The following CPEB1 variants were observed in gnomAD, a reference collection of about 807,000 sequenced individuals.
CPEB1 encodes cytoplasmic polyadenylation element binding protein 1.
Under a neutral mutation model 65.8 loss-of-function variants are expected in CPEB1, and 7 were observed. The ratio of observed to expected loss-of-function variants is 0.11; its 90% CI spans 0.06 to 0.20. The LOEUF is 0.20. CPEB1 is among the 10% of genes least tolerant of loss of function. The pLI is 1.00. For synonymous variants in CPEB1, 262 were observed against 260.0 expected (o/e 1.01, Z -0.08); for missense variants, 551 against 712.2 (o/e 0.77, Z 2.58).
At chr15:82,606,817 C>CAAAAAAAA (rs56078202) in intron 3 of CPEB1, among the ~76,000 whole-genome samples, 1 of 82,984 alleles carries the variant, frequency 1.2e-5, no homozygotes, top group African/African-American at 4.8e-5. Context: ...GACTCCGTCT[C>CAAAAAAAA]AAAAAAAAAA....
At chr15:82,550,823 G>A (rs2036108081) in intron 9 of CPEB1, among the ~76,000 whole-genome samples, 1 of 152,122 alleles carries the variant, frequency 6.6e-6, no homozygotes, top group African/African-American at 2.4e-5. Flanking sequence ...TGGTGCTGGC[G>A]GGGAGAGGAA....
chr15:82,561,478 G>A (rs1233440537), intron 4 of CPEB1, among the ~76,000 whole-genome samples: 9 of 152,136 alleles, frequency 5.9e-5, no homozygotes, highest in African/African-American at 2.2e-4. Flanking sequence ...AAAGCAGAAC[G>A]CCAGAAAAAA....
chr15:82,561,076 G>A (rs967139983), intron 4 of CPEB1, among the ~76,000 whole-genome samples: 1 of 152,244 alleles, frequency 6.6e-6, no homozygotes, highest in Non-Finnish European at 1.5e-5. Context: ...ATAGCTATAA[G>A]AGGAATGAGG....
At chr15:82,614,575 G>T (rs868616746) in intron 3 of CPEB1, among the ~76,000 whole-genome samples, 9 of 150,324 alleles carry the variant, frequency 6.0e-5, no homozygotes, top group Admixed American at 3.3e-4. Flanking sequence ...TACCAAATGT[G>T]GGGGGGAGTA....
chr15:82,600,974 C>T (rs1001872438), intron 3 of CPEB1, among the ~76,000 whole-genome samples: 8 of 147,960 alleles, frequency 5.4e-5, no homozygotes, highest in East Asian at 4.0e-4. Context: ...GCGCAACCTC[C>T]GCTCACTGCA....
At chr15:82,627,678 T>C (rs113445288) in intron 2 of CPEB1, among the ~76,000 whole-genome samples, 160 of 152,304 alleles carry the variant, frequency 1.1e-3, no homozygotes, top group African/African-American at 3.8e-3. Context: ...AGGTTTATGA[T>C]TAGGATTGCC....
At chr15:82,614,854 T>A (rs1377373519) in intron 3 of CPEB1, among the ~76,000 whole-genome samples, 1 of 94,466 alleles carries the variant, frequency 1.1e-5, no homozygotes, top group Admixed American at 1.0e-4. Flanking sequence ...TATAAGTGTG[T>A]GTGTGTGTGT....
intron 3 of CPEB1, among the ~76,000 whole-genome samples, chr15:82,594,355 G>T (rs193103949): frequency 0.023 from 2,671 of 116,178 alleles, 31 homozygotes; most frequent in Non-Finnish European, 0.033. Context: ...TAAACCTCAT[G>T]AACCAAAAAA....
At chr15:82,552,255 T>C (rs978677812) in intron 9 of CPEB1, among the ~76,000 whole-genome samples, 2 of 150,538 alleles carry the variant, frequency 1.3e-5, no homozygotes, top group Non-Finnish European at 2.9e-5. Context: ...TGGGCAGGCA[T>C]GCGCATGTGT....
At chr15:82,618,417 A>T (rs1391107959) in intron 3 of CPEB1, among the ~76,000 whole-genome samples, 1 of 152,246 alleles carries the variant, frequency 6.6e-6, no homozygotes, top group Non-Finnish European at 1.5e-5. Context: ...GAGACAGAAT[A>T]TGTATATTCT....
intron 2 of CPEB1, 59 bp from the exon 3 acceptor site, chr15:82,627,426 T>C: frequency 7.6e-7 from 1 of 1,307,422 alleles, no homozygotes. Context: ...ACCCCCTTTC[T>C]CTCCACATTA....
intron 1 of CPEB1, among the ~76,000 whole-genome samples, chr15:82,640,464 A>G (rs971369074): frequency 1.3e-5 from 2 of 152,132 alleles, no homozygotes; most frequent in African/African-American, 4.8e-5. Flanking sequence ...AGTTGCCTAA[A>G]AACAGCCCTG....
intron 1 of CPEB1, among the ~76,000 whole-genome samples, chr15:82,643,093 A>G (rs1037003114): frequency 9.2e-5 from 14 of 152,086 alleles, no homozygotes; most frequent in African/African-American, 3.1e-4. Context: ...TAGTCACCTC[A>G]CCCTTCCCCT....
intron 3 of CPEB1, among the ~76,000 whole-genome samples, chr15:82,590,108 C>T (rs894037789): frequency 1.3e-5 from 2 of 149,110 alleles, no homozygotes; most frequent in Non-Finnish European, 3.0e-5. Context: ...ACAGTATCTG[C>T]ACTTTTCACA....
chr15:82,566,923 C>T (rs1441438088), intron 4 of CPEB1, among the ~76,000 whole-genome samples: 2 of 152,024 alleles, frequency 1.3e-5, no homozygotes, highest in African/African-American at 2.4e-5. Flanking sequence ...ATCTGTCCAT[C>T]CAGCTAAATC....
intron 3 of CPEB1, among the ~76,000 whole-genome samples, chr15:82,588,021 A>T (rs554837991): frequency 7.2e-5 from 11 of 152,294 alleles, no homozygotes; most frequent in African/African-American, 2.6e-4. Flanking sequence ...TCCCAGGCTC[A>T]AGCGATCCTC....
chr15:82,548,142 C>G (rs2150927698), intron 10 of CPEB1, among the ~76,000 whole-genome samples: 1 of 152,150 alleles, frequency 6.6e-6, no homozygotes, highest in South Asian at 2.1e-4. Context: ...GGAGACCATC[C>G]TGGCTAACAT....
At chr15:82,617,975 C>T (rs143529581) in intron 3 of CPEB1, among the ~76,000 whole-genome samples, 2,682 of 151,324 alleles carry the variant, frequency 0.018, 30 homozygotes, top group Non-Finnish European at 0.026. Flanking sequence ...CCTCGTGATC[C>T]GCCCGCCTCG....
At chr15:82,626,545 A>G (rs1176491396) in intron 3 of CPEB1, among the ~76,000 whole-genome samples, 1 of 152,228 alleles carries the variant, frequency 6.6e-6, no homozygotes, top group Non-Finnish European at 1.5e-5. Context: ...ATTAAACACC[A>G]TTAGGACATC....
Sources: allele counts gnomAD v4.1 joint callset (sites outside exome capture counted in the v4.1 genomes callset), GRCh38; gene constraint gnomAD v4.1.1; transcripts MANE v1.5; gene names NCBI Gene and HGNC (gene_info 2026-07-23, HGNC 2026-07-21).